Variants in C1D observed in about 807,000 individuals in gnomAD.
C1D encodes nuclear nucleic acid-binding protein C1D.
Under a neutral mutation model 17.5 loss-of-function variants are expected in C1D, and 10 were observed. The observed-to-expected ratio is 0.57, with a 90% confidence interval of 0.35 to 0.97. The LOEUF (loss-of-function observed/expected upper bound fraction) is 0.97, where lower values mean the gene tolerates loss of function less well. Among genes scored for constraint, C1D ranks in the 50% least tolerant of loss-of-function variants. C1D has a pLI of 0.01. For synonymous variants in C1D, 49 were observed against 54.0 expected (o/e 0.91, Z 0.40); for missense variants, 136 against 160.1 (o/e 0.85, Z 0.81).
Position 68,042,292 on chromosome 2 carries a change from T to A in C1D, c.*597A>T, listed in dbSNP as rs1180379549. On this transcript the variant is annotated 3_prime_UTR_variant, in exon 5 of 5. Transcript: ENST00000410067. ...TACAACCTTATTTCCCATCTAAAGT[T>A]AATGAGAATGTATTTTATTTTAAAT... 1 of 152,372 alleles carries A rather than the reference T, an allele frequency of 6.6e-6. No homozygotes were observed. The highest frequency in any genetic ancestry group is 1.5e-5 in the Non-Finnish European group (1 of 67,960). The allele number at this position is 152,372 out of a possible 1,614,324, so 9.4% of individuals were successfully genotyped here. A position where few individuals can be genotyped will look rare whatever the true frequency, so the allele number is the denominator to read the frequency against.
intron 1 of C1D, among the ~76,000 whole-genome samples, chr2:68,061,952 A>G (rs1307876108): frequency 6.6e-6 from 1 of 152,238 alleles, no homozygotes; most frequent in Admixed American, 6.5e-5. Flanking sequence ...CAACAAAACA[A>G]TGAGTTCTAT....
In C1D at chr2:68,045,093, G is replaced by C. The variant is rs543266373; in HGVS notation, c.261+895C>G. Among the ~76,000 whole-genome samples the C allele has an allele frequency of 7.2e-5, 11 of 151,778 alleles. No homozygotes were observed. In the East Asian group the frequency reaches 2.1e-3, roughly 29 times the overall value. On this transcript the variant is annotated intron_variant, in intron 4 of 4. Coordinates refer to ENST00000410067, the MANE Select transcript of C1D (RefSeq NM_173177.3). ...TTCCCCCCCAAGAACTTCAAAATAA[G>C]GAAATGTCTTAGACTACATGTTGAA...
intron 1 of C1D, among the ~76,000 whole-genome samples, chr2:68,055,175 G>A (rs1439906672): frequency 6.6e-6 from 1 of 152,042 alleles, no homozygotes; most frequent in Non-Finnish European, 1.5e-5. Context: ...AACGCCTAAT[G>A]AAATTGTAGG....
In C1D at chr2:68,044,988, C is replaced by A. The variant is rs1013360685; in HGVS notation, c.261+1000G>T. On this transcript the variant is annotated intron_variant, in intron 4 of 4. Coordinates refer to ENST00000410067, the MANE Select transcript of C1D (RefSeq NM_173177.3). ...GTTTAAAGCCGTATCACTGGTCAAA[C>A]CAAGACCTGCATATCATATTGCTTT... is the stretch of plus-strand genomic sequence containing the variant. Among the ~76,000 whole-genome samples the A allele has an allele frequency of 1.5e-4, 23 of 152,120 alleles. 1 individual carries two copies. Among genetic ancestry groups the A allele is most frequent in the Non-Finnish European group, 2.8e-4 (19 of 68,002 alleles).
chr2:68,052,577 A>G (rs911220652), intron 1 of C1D, among the ~76,000 whole-genome samples: 1 of 152,170 alleles, frequency 6.6e-6, no homozygotes, highest in Non-Finnish European at 1.5e-5. Context: ...CTAAGCCCCA[A>G]TAAACAAGCA....
intron 1 of C1D, among the ~76,000 whole-genome samples, chr2:68,051,479 A>G (rs371683691): frequency 4.1e-4 from 63 of 152,318 alleles, no homozygotes; most frequent in African/African-American, 1.4e-3. Flanking sequence ...GCAACACAGC[A>G]AGACCCCAAC....
Position 68,041,915 on chromosome 2 carries a change from C to T in C1D, c.*974G>A, listed in dbSNP as rs957139326. On this transcript the variant is annotated 3_prime_UTR_variant, in exon 5 of 5. Coordinates refer to ENST00000410067, the MANE Select transcript of C1D (RefSeq NM_173177.3). Reference sequence around the variant, plus strand: ...GTAGTACTCTCTGTAACTAATATTCCAGAAAAATAAACCACAATACAAACA... The same window carrying T: ...GTAGTACTCTCTGTAACTAATATTCTAGAAAAATAAACCACAATACAAACA... 6 of 151,892 alleles carry T rather than the reference C, an allele frequency of 4.0e-5. No homozygotes were observed. The highest frequency in any genetic ancestry group is 1.4e-4 in the African/African-American group (6 of 41,402). 9.4% of individuals were successfully genotyped at this position (151,892 alleles called of 1,614,324 possible).
At position 68,041,911 on chromosome 2, in the gene C1D, A is replaced by G. The variant is rs1670967551; in HGVS notation, c.*978T>C. On this transcript the variant is annotated 3_prime_UTR_variant, in exon 5 of 5. Transcript: ENST00000410067. ...CTATGTAGTACTCTCTGTAACTAATATTCCAGAAAAATAAACCACAATACA... is the reference window on the plus strand; with the variant it reads ...CTATGTAGTACTCTCTGTAACTAATGTTCCAGAAAAATAAACCACAATACA... 6.6e-6 allele frequency: 1 copy of G among 152,116 alleles called. No homozygotes were observed. The highest frequency in any genetic ancestry group is 6.5e-5 in the Admixed American group (1 of 15,280). The allele number at this position is 152,116 out of a possible 1,614,324, so 9.4% of individuals were successfully genotyped here.
At chr2:68,045,203 C>G (rs769129437) in intron 4 of C1D, among the ~76,000 whole-genome samples, 32 of 152,090 alleles carry the variant, frequency 2.1e-4, no homozygotes, top group Admixed American at 3.9e-4. Context: ...ACATACATAT[C>G]AACTACCCTA....
intron 1 of C1D, among the ~76,000 whole-genome samples, chr2:68,051,475 C>G (rs1671280480): frequency 6.6e-6 from 1 of 152,132 alleles, no homozygotes; most frequent in South Asian, 2.1e-4. Context: ...TTGGGCAACA[C>G]AGCAAGACCC....
At chr2:68,052,951 C>T in intron 1 of C1D, 1 of 1,402,920 alleles carries the variant, frequency 7.1e-7, no homozygotes. Flanking sequence ...AAGCATTCCA[C>T]ATGCACTTGT....
chr2:68,047,258 A>C lies in C1D; in HGVS notation c.53T>G (p.Leu18Trp). 1.2e-6 allele frequency: 2 copies of C among 1,613,264 alleles called. No homozygotes were observed. The highest frequency in any genetic ancestry group is 1.7e-6 in the Non-Finnish European group (2 of 1,179,542). Residue 18 changes from leucine (L) to tryptophan (W), a missense_variant, in exon 2 of 5, where the codon TTG becomes TGG. Transcript: ENST00000410067. ...EDYPVEIHEY[L>W]SAFENSIGAV... is the part of the protein sequence containing the mutation. ...ACCAATGGAATTCTCAAACGCTGAC[A>C]AATACTCGTGAATTTCTACTGGATA...
intron 1 of C1D, among the ~76,000 whole-genome samples, chr2:68,055,233 A>G (rs928650524): frequency 2.6e-5 from 4 of 152,196 alleles, no homozygotes; most frequent in African/African-American, 7.2e-5. Context: ...TGAAATGCAC[A>G]TATTATGAAC....
At chr2:68,057,448 C>T (rs961720869) in intron 1 of C1D, among the ~76,000 whole-genome samples, 11 of 152,274 alleles carry the variant, frequency 7.2e-5, no homozygotes, top group East Asian at 3.9e-4. Context: ...TGAGCCACCA[C>T]GCCCAGCTCA....
chr2:68,060,415 G>A (rs1004592516), intron 1 of C1D, among the ~76,000 whole-genome samples: 4 of 152,222 alleles, frequency 2.6e-5, no homozygotes, highest in Admixed American at 6.5e-5. Context: ...GCTGAGACAG[G>A]CGGATCACCT....
chr2:68,051,517 CTA>C (rs901179883), intron 1 of C1D, among the ~76,000 whole-genome samples: 13 of 152,096 alleles, frequency 8.5e-5, no homozygotes, highest in Admixed American at 8.5e-4. Flanking sequence ...AAAATAATAA[CTA>C]TTTATCTTTT....
In C1D at chr2:68,047,628, C is replaced by T. The variant is rs7340364; in HGVS notation, c.-9-309G>A. Among the ~76,000 whole-genome samples the T allele has an allele frequency of 9.9e-3, 1,510 of 152,242 alleles. 28 individuals are homozygous for T. The highest frequency in any genetic ancestry group is 0.034 in the African/African-American group (1,408 of 41,558). ...CCTCTGTCGCCCAGGATAGTGCAATCACCACTCACTGCAACTTCCGCCTGC... is the reference window on the plus strand; with the variant it reads ...CCTCTGTCGCCCAGGATAGTGCAATTACCACTCACTGCAACTTCCGCCTGC... On this transcript the variant is annotated intron_variant, in intron 1 of 4. Transcript: ENST00000410067.
At chr2:68,058,260 G>A (rs1671497306) in intron 1 of C1D, among the ~76,000 whole-genome samples, 1 of 152,210 alleles carries the variant, frequency 6.6e-6, no homozygotes, top group Non-Finnish European at 1.5e-5. Flanking sequence ...AGATAATAGT[G>A]AGCAAAAACT....
Position 68,060,537 on chromosome 2 carries a change from G to A in C1D, c.-10+2421C>T, listed in dbSNP as rs375866633. 6.6e-5 allele frequency among the ~76,000 whole-genome samples: 10 copies of A among 152,096 alleles called. No individual in the cohort carries two copies. The South Asian group carries it at 8.3e-4, about 13-fold the overall frequency. On this transcript the variant is annotated intron_variant, in intron 1 of 4. Coordinates refer to ENST00000410067, the MANE Select transcript of C1D (RefSeq NM_173177.3). ...GGGTGCCTGTAATCCCAGCTACTCC[G>A]GAGGCTGAGGCAGGAGAATCGTTGG...
Sources: gnomAD v4.1 joint callset for allele counts (sites outside exome capture counted in the v4.1 genomes callset) on GRCh38, gnomAD v4.1.1 for gene constraint, MANE v1.5 for transcripts, NCBI Gene and HGNC (gene_info 2026-07-23, HGNC 2026-07-21) for gene names.